The following PTX3 variants were observed in gnomAD, a reference collection of about 807,000 sequenced individuals.
PTX3 encodes pentraxin 3, also known as pentraxin-related protein PTX3.
A neutral mutation model predicts 23.5 loss-of-function variants in PTX3; 24 were observed. That is an observed-to-expected ratio of 1.02 (90% CI 0.74 to 1.43). The LOEUF (loss-of-function observed/expected upper bound fraction) is 1.43. PTX3 is among the 40% of genes most tolerant of loss of function. The pLI is 0.00. For missense variants in PTX3, 510 were observed against 497.5 expected (o/e 1.02, Z -0.24); for synonymous variants, 218 against 205.4 (o/e 1.06, Z -0.53).
intron 2 of PTX3, among the ~76,000 whole-genome samples, chr3:157,438,990 G>T (rs893165717): frequency 1.3e-5 from 2 of 152,252 alleles, no homozygotes; most frequent in East Asian, 1.9e-4. Context: ...TAAAGTTAAA[G>T]AATTTTATGT....
chr3:157,440,447 T>C (rs184962212), intron 2 of PTX3, among the ~76,000 whole-genome samples: 1 of 152,344 alleles, frequency 6.6e-6, no homozygotes, highest in East Asian at 1.9e-4. Flanking sequence ...GTTTGGTTTC[T>C]GCAAGTTCTT....
At chr3:157,438,314 C>T (rs923544392) in intron 2 of PTX3, among the ~76,000 whole-genome samples, 1 of 152,040 alleles carries the variant, frequency 6.6e-6, no homozygotes, top group Non-Finnish European at 1.5e-5. Context: ...TTAGGGATTT[C>T]CACGTCTTCT....
In PTX3 at chr3:157,443,401, CA is replaced by C. The variant is rs200886255; in HGVS notation, c.*430del. 4.8e-5 allele frequency: 5 copies of C among 104,702 alleles called. No individual in the cohort carries two copies. The highest frequency in any genetic ancestry group is 3.0e-4 in the South Asian group (1 of 3,312). 6.5% of individuals were successfully genotyped at this position (104,702 alleles called of 1,614,324 possible). ...ATTGTTATTGGTATGTACCTTATTA[CA>C]AAAAAAAGATGAAAACATATTTATA... On this transcript the variant is annotated 3_prime_UTR_variant, in exon 3 of 3. Coordinates refer to ENST00000295927, the MANE Select transcript of PTX3 (RefSeq NM_002852.4).
At chr3:157,442,298 A>G (rs1008812099) in intron 2 of PTX3, 68 bp from the exon 3 acceptor site, 31 of 1,325,392 alleles carry the variant, frequency 2.3e-5, no homozygotes, top group Non-Finnish European at 3.0e-5. Context: ...TTAAATAACT[A>G]ATGCCAGAAT....
At position 157,436,965 on chromosome 3, in the gene PTX3, T is replaced by A. The variant is rs763595100; in HGVS notation, c.32T>A (p.Leu11His). Residue 11 changes from leucine (L) to histidine (H), a missense_variant, in exon 1 of 3, where the codon CTC becomes CAC. Transcript: ENST00000295927. MHLLAILFCA[L>H]WSAVLAENSD... ...CTCCTTGCGATTCTGTTTTGTGCTCTCTGGTCTGCAGTGTTGGCCGAGAAC... is the reference window on the plus strand; with the variant it reads ...CTCCTTGCGATTCTGTTTTGTGCTCACTGGTCTGCAGTGTTGGCCGAGAAC... The A allele has an allele frequency of 6.2e-7, 1 of 1,614,068 alleles. No homozygotes were observed. The highest frequency in any genetic ancestry group is 8.5e-7 in the Non-Finnish European group (1 of 1,179,974).
chr3:157,437,211 G>C, intron 1 of PTX3, 148 bp downstream of exon 1: 1 of 1,161,278 alleles, frequency 8.6e-7, no homozygotes, highest in Non-Finnish European at 1.3e-6. Flanking sequence ...AAGAAAGATG[G>C]AGGTTTCAAA....
Position 157,436,888 on chromosome 3 carries a change from A to T in PTX3, c.-46A>T. 1 of 1,600,044 alleles carries T rather than the reference A, an allele frequency of 6.2e-7. No homozygotes were observed. The stretch of plus-strand genomic sequence containing the variant: ...TCCGCTCAAACTCAGCTCACTTGAG[A>T]GTCTCCTCCCGCCAGCTGTGGAAAG... On this transcript the variant is annotated 5_prime_UTR_variant, in exon 1 of 3. Transcript: ENST00000295927.
chr3:157,442,319 T>G, intron 2 of PTX3, 47 bp from the exon 3 acceptor site: 1 of 1,421,240 alleles, frequency 7.0e-7, no homozygotes, highest in Non-Finnish European at 9.5e-7. Context: ...AATTCTGAAT[T>G]AATTTATATT....
At chr3:157,438,235 G>T (rs1331610346) in intron 2 of PTX3, among the ~76,000 whole-genome samples, 2 of 151,932 alleles carry the variant, frequency 1.3e-5, no homozygotes, top group Non-Finnish European at 2.9e-5. Flanking sequence ...CACCCGATCC[G>T]ACTAAGCGCT....
At chr3:157,439,980 G>C (rs1406892688) in intron 2 of PTX3, among the ~76,000 whole-genome samples, 2 of 152,120 alleles carry the variant, frequency 1.3e-5, no homozygotes, top group Non-Finnish European at 2.9e-5. Context: ...TCGATCTCCT[G>C]ACCTTGTGAT....
intron 1 of PTX3, 82 bp downstream of exon 1, chr3:157,437,145 G>T (rs1733662258): frequency 6.5e-7 from 1 of 1,528,670 alleles, no homozygotes; most frequent in Admixed American, 2.0e-5. Context: ...ATACTTTGTG[G>T]CCAGTGAGAC....
At chr3:157,438,502 A>G (rs1733854865) in intron 2 of PTX3, among the ~76,000 whole-genome samples, 1 of 152,122 alleles carries the variant, frequency 6.6e-6, no homozygotes, top group South Asian at 2.1e-4. Flanking sequence ...GGAATTCTTC[A>G]GGGGTCCCCC....
intron 2 of PTX3, among the ~76,000 whole-genome samples, chr3:157,441,429 CATT>C (rs2109231082): frequency 6.6e-6 from 1 of 152,274 alleles, no homozygotes; most frequent in Admixed American, 6.5e-5. Flanking sequence ...GCTTAGTCAT[CATT>C]ATTATACATT....
rs138898586 is a variant in PTX3, at chr3:157,436,987, G to C, written c.54G>C (p.Glu18Asp). Residue 18 changes from glutamate (E) to aspartate (D), a missense_variant, in exon 1 of 3, where the codon GAG becomes GAC. Glu to Asp is a conservative substitution (Grantham distance 45). Coordinates refer to ENST00000295927, the MANE Select transcript of PTX3 (RefSeq NM_002852.4). ...FCALWSAVLA[E>D]NSDDYDLMYV... ...CTCTCTGGTCTGCAGTGTTGGCCGA[G>C]AACTCGGATGATTATGATCTCATGT... is the stretch of plus-strand genomic sequence containing the variant. 9.5e-4 allele frequency: 1,536 copies of C among 1,614,036 alleles called. 13 individuals are homozygous for C. In the African/African-American group the frequency reaches 0.018, roughly 19 times the overall value.
intron 2 of PTX3, 150 bp downstream of exon 2, chr3:157,438,064 C>T: frequency 1.6e-5 from 12 of 751,424 alleles, no homozygotes; most frequent in Non-Finnish European, 2.5e-5. Flanking sequence ...CACACACACA[C>T]ACACACACCC....
chr3:157,437,574 G>T lies in PTX3; in HGVS notation c.192G>T (p.Glu64Asp). The T allele has an allele frequency of 6.3e-7, 1 of 1,597,430 alleles. No homozygotes were observed. Among genetic ancestry groups the T allele is most frequent in the Non-Finnish European group, 8.5e-7 (1 of 1,173,644 alleles). Residue 64 changes from glutamate to aspartate, a missense_variant, in exon 2 of 3, where the codon GAG (glutamate) becomes GAT (aspartate). Transcript: ENST00000295927. ...GGGACAAGCTCTTCATCATGCTGGA[G>T]AACTCGCAGATGAGAGAGCGCATGC... is the stretch of plus-strand genomic sequence containing the variant. ...SEWDKLFIML[E>D]NSQMRERMLL... is the part of the protein sequence containing the mutation.
intron 1 of PTX3, among the ~76,000 whole-genome samples, chr3:157,437,299 C>A (rs1733675912): frequency 6.6e-6 from 1 of 152,120 alleles, no homozygotes; most frequent in African/African-American, 2.4e-5. Context: ...ACATAACCGG[C>A]GATTTCATAG....
rs757249335 is a variant in PTX3 at position 157,442,830 on chromosome 3, C to T, written c.997C>T (p.Leu333Phe). The change falls in exon 3 of 3, where the codon CTC (leucine) becomes TTC (phenylalanine). Residue 333 changes from leucine to phenylalanine, a missense_variant. By Grantham distance (22) the Leu-to-Phe change is conservative. Coordinates refer to ENST00000295927, the MANE Select transcript of PTX3 (RefSeq NM_002852.4). The part of the protein sequence containing the change: ...FDETLAFSGR[L>F]TGFNIWDSVL... ...TGAAACATTAGCCTTCTCTGGGAGACTCACAGGCTTCAATATCTGGGATAG... is the reference window on the plus strand; with the variant it reads ...TGAAACATTAGCCTTCTCTGGGAGATTCACAGGCTTCAATATCTGGGATAG... The T allele has an allele frequency of 4.0e-5, 65 of 1,614,084 alleles. No individual in the cohort carries two copies. In the Middle Eastern group the frequency reaches 4.8e-3, roughly 118 times the overall value.
In PTX3 at chr3:157,437,716, AG is replaced by A. The variant is rs1733732913; in HGVS notation, c.336del (p.Arg112SerfsTer2). The part of the protein sequence containing the change: ...PCAPGAPAEA[R>X]LTSALDELLQ... ...CGCGCCGGGGGCTCCCGCAGAGGCC[AG>A]GCTGACCAGTGCTCTGGACGAGCTG... On this transcript the variant is annotated frameshift_variant, in exon 2 of 3. Transcript: ENST00000295927. LOFTEE classifies it high-confidence loss of function. 7 of 1,530,372 alleles carry A rather than the reference AG, an allele frequency of 4.6e-6. No individual in the cohort carries two copies. The East Asian group carries it at 1.7e-4, about 38-fold the overall frequency. 94.8% of individuals were successfully genotyped at this position (1,530,372 alleles called of 1,614,324 possible).
Sources: allele counts gnomAD v4.1 joint callset (sites outside exome capture counted in the v4.1 genomes callset), GRCh38; gene constraint gnomAD v4.1.1; transcripts MANE v1.5; gene names NCBI Gene and HGNC (gene_info 2026-07-23, HGNC 2026-07-21).